TBL1XR1: variants seen among roughly 807,000 people sequenced by gnomAD.
The protein encoded by TBL1XR1 is F-box-like/WD repeat-containing protein TBL1XR1.
Under a neutral mutation model 66.9 loss-of-function variants are expected in TBL1XR1, and 5 were observed. The ratio of observed to expected loss-of-function variants is 0.07; its 90% confidence interval spans 0.04 to 0.16. The LOEUF (loss-of-function observed/expected upper bound fraction) is 0.16. TBL1XR1 is among the 10% of genes least tolerant of loss of function. The pLI is 1.00. For missense variants in TBL1XR1, 238 were observed against 623.2 expected, an observed-to-expected ratio of 0.38 and a Z score of 6.58; for synonymous variants, 210 against 206.0, an observed-to-expected ratio of 1.02 and a Z score of -0.17.
intron 12 of TBL1XR1, chr3:177,037,809 T>TCCATCA: frequency 5.5e-6 from 1 of 183,128 alleles, no homozygotes; most frequent in Admixed American, 7.5e-5. Context: ...TCCATCCATC[T>TCCATCA]TCTTATTGGT....
chr3:177,147,635 G>A (rs984003317), intron 1 of TBL1XR1, among the ~76,000 whole-genome samples: 4 of 152,146 alleles, frequency 2.6e-5, no homozygotes, highest in Non-Finnish European at 4.4e-5. Context: ...AAAAGAAATA[G>A]TCTTTATCTG....
intron 1 of TBL1XR1, among the ~76,000 whole-genome samples, chr3:177,118,263 C>T (rs1230979699): frequency 6.6e-6 from 1 of 152,172 alleles, no homozygotes; most frequent in Non-Finnish European, 1.5e-5. Flanking sequence ...AACATTCATT[C>T]ATTCATTAAC....
At chr3:177,197,946 G>C (rs1222904709), upstream of TBL1XR1, among the ~76,000 whole-genome samples, 1 of 150,770 alleles carries the variant, frequency 6.6e-6, no homozygotes, top group East Asian at 2.0e-4. Context: ...GCGGTGGCCG[G>C]GGTGGAGCCG....
chr3:177,196,820 G>A (rs1449005863), intron 1 of TBL1XR1, among the ~76,000 whole-genome samples: 1 of 151,736 alleles, frequency 6.6e-6, no homozygotes, highest in Non-Finnish European at 1.5e-5. Flanking sequence ...GCACATTTTC[G>A]GGGACAACAT....
chr3:177,179,156 T>C (rs1243731148), intron 1 of TBL1XR1, among the ~76,000 whole-genome samples: 1 of 146,176 alleles, frequency 6.8e-6, no homozygotes, highest in African/African-American at 2.5e-5. Context: ...CTTGGGGCTG[T>C]GAAGAGATGG....
intron 4 of TBL1XR1, among the ~76,000 whole-genome samples, chr3:177,052,204 G>A (rs543009094): frequency 1.3e-5 from 2 of 152,270 alleles, no homozygotes; most frequent in Admixed American, 1.3e-4. Context: ...GACTTCATGG[G>A]GCTATAGTGC....
At chr3:177,042,603 T>C (rs1174817721) in intron 10 of TBL1XR1, among the ~76,000 whole-genome samples, 1 of 152,174 alleles carries the variant, frequency 6.6e-6, no homozygotes. Context: ...TTATATTTAC[T>C]CTTAAAATGA....
intron 1 of TBL1XR1, among the ~76,000 whole-genome samples, chr3:177,126,986 C>G (rs1029616674): frequency 2.3e-4 from 35 of 152,238 alleles, no homozygotes; most frequent in African/African-American, 7.9e-4. Context: ...TCAGCAAAAA[C>G]AACATTCAGT....
In TBL1XR1 at chr3:177,022,837, T is replaced by A. The variant is rs781491137; in HGVS notation, c.*2661A>T. 2.6e-5 allele frequency: 4 copies of A among 152,396 alleles called. No individual in the cohort carries two copies. The highest frequency in any genetic ancestry group is 9.7e-5 in the African/African-American group (4 of 41,402). 9.4% of individuals were successfully genotyped at this position (152,396 alleles called of 1,614,324 possible). ...GGCACATCAGCAGGCAATGATGATG[T>A]TGAGAACAGCAGCAAAAATAAACAA... On this transcript the variant is annotated 3_prime_UTR_variant, in exon 16 of 16. Coordinates refer to ENST00000457928, the MANE Select transcript of TBL1XR1 (RefSeq NM_024665.7).
intron 1 of TBL1XR1, among the ~76,000 whole-genome samples, chr3:177,135,122 C>T (rs955739547): frequency 1.3e-5 from 2 of 151,550 alleles, no homozygotes; most frequent in African/African-American, 4.9e-5. Context: ...CTGCCTCAGC[C>T]TCCCGAGTAG....
rs145838308 is a variant in TBL1XR1, at chr3:177,054,073, T to TGTGC, written c.59-156_59-155insGCAC. Among the ~76,000 whole-genome samples the TGTGC allele has an allele frequency of 0.036, 4,437 of 124,822 alleles. 96 individuals are homozygous for TGTGC. The highest frequency in any genetic ancestry group is 0.084 in the Middle Eastern group (19 of 226). The allele number at this position is 124,822 out of a possible 152,430, so 81.9% of individuals were successfully genotyped here. A position where few individuals can be genotyped will look rare whatever the true frequency, so the allele number is the denominator to read the frequency against. On this transcript the variant is annotated intron_variant, in intron 3 of 15. Transcript: ENST00000457928. The stretch of plus-strand genomic sequence containing the variant: ...GTGTGTGTGTGTGTGTGTGTGTGTG[T>TGTGC]GCGCGCGCGTGTGTGTGCATGTAAA...
At chr3:177,096,327 T>TATACACACACACACACACACAC (rs1723472095) in intron 2 of TBL1XR1, among the ~76,000 whole-genome samples, 1 of 108,206 alleles carries the variant, frequency 9.2e-6, no homozygotes, top group African/African-American at 3.4e-5. Context: ...CACACTAACA[T>TATACACACACACACACACACAC]ACATACATAC....
chr3:177,144,899 ATCT>A (rs1262609836), intron 1 of TBL1XR1, among the ~76,000 whole-genome samples: 12 of 152,068 alleles, frequency 7.9e-5, no homozygotes, highest in African/African-American at 2.9e-4. Context: ...TTCTTTTTTG[ATCT>A]TCTTTATTCA....
rs186621848 is a variant in TBL1XR1, at chr3:177,166,432, T to C, written c.-122+30689A>G. 1.7e-3 allele frequency among the ~76,000 whole-genome samples: 266 copies of C among 152,352 alleles called. 1 individual carries two copies. The highest frequency in any genetic ancestry group is 6.3e-3 in the African/African-American group (261 of 41,586). ...CATATACTGATATGGTTTGGCTTTG[T>C]GTTCCCATTCAAATCTCATCTTCTA... On this transcript the variant is annotated intron_variant, in intron 1 of 15. Transcript: ENST00000457928.
At position 177,033,619 on chromosome 3, in the gene TBL1XR1, A is replaced by G. The variant is rs529181066; in HGVS notation, c.1251-483T>C. Reference sequence around the variant, plus strand: ...TTTGATTATTTCAATATAGAATATCATTATAACTTGAAACAATAATAAAAC... The same window carrying G: ...TTTGATTATTTCAATATAGAATATCGTTATAACTTGAAACAATAATAAAAC... On this transcript the variant is annotated intron_variant, in intron 13 of 15. Coordinates refer to ENST00000457928, the MANE Select transcript of TBL1XR1 (RefSeq NM_024665.7). 6.6e-5 allele frequency among the ~76,000 whole-genome samples: 10 copies of G among 152,246 alleles called. 1 individual carries two copies. In the South Asian group the frequency reaches 2.1e-3, roughly 32 times the overall value.
rs566222766 is a variant in TBL1XR1 at position 177,113,271 on chromosome 3, A to T, written c.-121-14730T>A. ...AGACTCAAAACTAGAAAATTACTAAAAGAAAACTCAAGAGGAACACTTCCT... is the reference window on the plus strand; with the variant it reads ...AGACTCAAAACTAGAAAATTACTAATAGAAAACTCAAGAGGAACACTTCCT... On this transcript the variant is annotated intron_variant, in intron 1 of 15. Transcript: ENST00000457928. Among the ~76,000 whole-genome samples, 3 of 152,324 alleles carry T rather than the reference A, an allele frequency of 2.0e-5. No homozygotes were observed. The South Asian group carries it at 6.2e-4, about 32-fold the overall frequency.
intron 1 of TBL1XR1, among the ~76,000 whole-genome samples, chr3:177,103,422 T>C (rs9290611): frequency 0.11 from 16,922 of 152,248 alleles, 1,123 homozygotes; most frequent in Admixed American, 0.18. Context: ...TTTCAGAGCA[T>C]TTTATCTAAA....
At chr3:177,154,956 GA>G (rs1252129513) in intron 1 of TBL1XR1, among the ~76,000 whole-genome samples, 2 of 152,014 alleles carry the variant, frequency 1.3e-5, no homozygotes, top group African/African-American at 4.8e-5. Context: ...TGGCTACAAA[GA>G]AAAGTCCCAT....
chr3:177,171,554 C>G (rs1733500384), intron 1 of TBL1XR1: 1 of 149,826 alleles, frequency 6.7e-6, no homozygotes. Flanking sequence ...AAAAATTAAC[C>G]AGGTGTGGTG....
Sources: allele counts gnomAD v4.1 joint callset (sites outside exome capture counted in the v4.1 genomes callset), GRCh38; gene constraint gnomAD v4.1.1; transcripts MANE v1.5; gene names NCBI Gene and HGNC (gene_info 2026-07-23, HGNC 2026-07-21).